The following DBNL variants were observed in gnomAD, a reference collection of about 807,000 sequenced individuals.
DBNL encodes drebrin like.
Under a neutral mutation model 62.2 loss-of-function variants are expected in DBNL, and 35 were observed. The observed-to-expected ratio is 0.56, with a 90% CI of 0.43 to 0.75. The LOEUF (loss-of-function observed/expected upper bound fraction) is 0.75. DBNL is among the 30% of genes least tolerant of loss of function. The pLI is 0.00. For synonymous variants in DBNL, 197 were observed against 218.0 expected (o/e 0.90, Z 0.85); for missense variants, 495 against 578.4 (o/e 0.86, Z 1.48).
At position 44,065,561 on chromosome 7, in the gene DBNL, C is replaced by A; in HGVS notation, c.*4645C>A. ...AGCAGGGACCACAGAGGACTCTGGA[C>A]GGGGACGGCTGCTTCCCAACACTCC... On this transcript the variant is annotated 3_prime_UTR_variant, in exon 13 of 13. Coordinates refer to ENST00000448521, the MANE Select transcript of DBNL (RefSeq NM_001014436.3). 6.2e-7 allele frequency: 1 copy of A among 1,606,166 alleles called. No homozygotes were observed. The highest frequency in any genetic ancestry group is 8.5e-7 in the Non-Finnish European group (1 of 1,174,230).
chr7:44,045,918 T>G (rs1399713019), intron 1 of DBNL, among the ~76,000 whole-genome samples: 1 of 152,256 alleles, frequency 6.6e-6, no homozygotes, highest in Non-Finnish European at 1.5e-5. Flanking sequence ...GGATGGCACT[T>G]ATGCCAAACA....
intron 6 of DBNL, 74 bp downstream of exon 6, chr7:44,057,933 G>A (rs2128793400): frequency 6.3e-7 from 1 of 1,598,664 alleles, no homozygotes. Context: ...CCTCACAAGT[G>A]AGCTCATGCA....
chr7:44,053,957 T>C (rs2096131371), intron 4 of DBNL, among the ~76,000 whole-genome samples: 1 of 151,972 alleles, frequency 6.6e-6, no homozygotes, highest in African/African-American at 2.4e-5. Flanking sequence ...ATTACAGGCG[T>C]GAACCACCAC....
At position 44,059,962 on chromosome 7, in the gene DBNL, C is replaced by A; in HGVS notation, c.1048-86C>A. 7.2e-7 allele frequency: 1 copy of A among 1,386,260 alleles called. No homozygotes were observed. The highest frequency in any genetic ancestry group is 1.0e-6 in the Non-Finnish European group (1 of 998,934). 85.9% of individuals were successfully genotyped at this position (1,386,260 alleles called of 1,614,324 possible). A position where few individuals can be genotyped will look rare whatever the true frequency, so the allele number is the denominator to read the frequency against. ...TAGACTGCTTGCCCTCTGCGTACTC[C>A]CAGCTTGACCTGAGCCATGTGGGGC... On this transcript the variant is annotated intron_variant, in intron 11 of 12. Transcript: ENST00000448521. This position sits in a 1 kb window ranked among gnomAD's most constrained non-coding sequence, Gnocchi z 4.1.
intron 1 of DBNL, among the ~76,000 whole-genome samples, chr7:44,045,243 A>G (rs11763468): frequency 0.15 from 22,085 of 152,192 alleles, 1,739 homozygotes; most frequent in Admixed American, 0.18. Flanking sequence ...GTTTTTTTGC[A>G]AACGCTGTGT....
Position 44,065,061 on chromosome 7 carries a change from A to C in DBNL, c.*4145A>C, listed in dbSNP as rs528430574. 1 of 1,610,158 alleles carries C rather than the reference A, an allele frequency of 6.2e-7. No individual in the cohort carries two copies. Among genetic ancestry groups the C allele is most frequent in the African/African-American group, 1.3e-5 (1 of 74,988 alleles). On this transcript the variant is annotated 3_prime_UTR_variant, in exon 13 of 13. Transcript: ENST00000448521. ...TTCCCTCCCAAGCCAGTGGGCCCCC[A>C]CCCGACTCCCCACTCTGCAGCTTCC...
Position 44,057,830 on chromosome 7 carries a change from G to A in DBNL, c.523G>A (p.Gly175Ser), listed in dbSNP as rs759635060. Reference sequence around the variant, plus strand: ...TGCCGTGTCTGAGATTAAAAGGGTTGGTAAAGACAGCTTCTGGGCCAAAGC... The same window carrying A: ...TGCCGTGTCTGAGATTAAAAGGGTTAGTAAAGACAGCTTCTGGGCCAAAGC... ...TNAVSEIKRV[G>S]KDSFWAKAEK... The change falls in exon 6 of 13, where the codon GGT (glycine) becomes AGT (serine). Residue 175 changes from glycine to serine, a missense_variant. By Grantham distance (56) the Gly-to-Ser change is moderately conservative. Coordinates refer to ENST00000448521, the MANE Select transcript of DBNL (RefSeq NM_001014436.3). 1.2e-6 allele frequency: 2 copies of A among 1,614,186 alleles called. No individual in the cohort carries two copies. Among genetic ancestry groups the A allele is most frequent in the Non-Finnish European group, 1.7e-6 (2 of 1,180,034 alleles).
Position 44,063,830 on chromosome 7 carries a change from A to G in DBNL, c.*2914A>G, listed in dbSNP as rs2096153906. 6.6e-6 allele frequency: 1 copy of G among 152,342 alleles called. No individual in the cohort carries two copies. Among genetic ancestry groups the G allele is most frequent in the Non-Finnish European group, 1.5e-5 (1 of 68,150 alleles). 9.4% of individuals were successfully genotyped at this position (152,342 alleles called of 1,614,324 possible). Reference sequence around the variant, plus strand: ...GTGAAATCCCTCATATTCACCACCAAAAGTGCGTCCCCTTTCCCCAAACCA... The same window carrying G: ...GTGAAATCCCTCATATTCACCACCAGAAGTGCGTCCCCTTTCCCCAAACCA... On this transcript the variant is annotated 3_prime_UTR_variant, in exon 13 of 13. Coordinates refer to ENST00000448521, the MANE Select transcript of DBNL (RefSeq NM_001014436.3).
chr7:44,068,533 T>C lies in DBNL; in HGVS notation c.*7617T>C, dbSNP rs930698654. ...CAAGGTCCAGAGTCTCAACATAATA[T>C]TTAAAATATCCAGGTTATCCAAAAT... is the stretch of plus-strand genomic sequence containing the variant. On this transcript the variant is annotated 3_prime_UTR_variant, in exon 13 of 13. Transcript: ENST00000448521. 1.3e-5 allele frequency: 2 copies of C among 152,226 alleles called. No individual in the cohort carries two copies. Among genetic ancestry groups the C allele is most frequent in the Non-Finnish European group, 2.9e-5 (2 of 68,044 alleles). The allele number at this position is 152,226 out of a possible 1,614,324, so 9.4% of individuals were successfully genotyped here.
At position 44,056,903 on chromosome 7, in the gene DBNL, G is replaced by A. The variant is rs2096137467; in HGVS notation, c.474G>A (p.Val158=). 6.2e-7 allele frequency: 1 copy of A among 1,613,662 alleles called. No individual in the cohort carries two copies. The highest frequency in any genetic ancestry group is 1.1e-5 in the South Asian group (1 of 91,082). ...RFQDVGPQAP[V]GSVYQKTNAV... is the part of the protein sequence containing the mutation. ...AGGACGTGGGACCCCAGGCCCCAGT[G>A]GTGAGTGCTGCTTGCCCATCGCCAG... The change falls in exon 5 of 13, where the codon GTG becomes GTA. Residue 158 remains valine, a splice_region_variant and synonymous_variant. Coordinates refer to ENST00000448521, the MANE Select transcript of DBNL (RefSeq NM_001014436.3).
At chr7:44,044,843 G>T in intron 1 of DBNL, 23 bp downstream of exon 1, 1 of 1,449,784 alleles carries the variant, frequency 6.9e-7, no homozygotes, top group South Asian at 1.4e-5. Context: ...ACGGGCCAGG[G>T]TCGGGCCAGG....
rs368040015 is a variant in DBNL, at chr7:44,065,016, G to A, written c.*4100G>A. 5.6e-6 allele frequency: 9 copies of A among 1,606,472 alleles called. No individual in the cohort carries two copies. The highest frequency in any genetic ancestry group is 4.5e-5 in the East Asian group (2 of 44,826). ...TCAGGCCTGCGTACCGACGCTCCTG[G>A]GGGACACAGGCACGCTGCTTTCCCT... is the stretch of plus-strand genomic sequence containing the variant. On this transcript the variant is annotated 3_prime_UTR_variant, in exon 13 of 13. Transcript: ENST00000448521.
chr7:44,049,723 A>G (rs1278184818), intron 1 of DBNL, among the ~76,000 whole-genome samples: 1 of 152,198 alleles, frequency 6.6e-6, no homozygotes, highest in African/African-American at 2.4e-5. Flanking sequence ...ACCAGGCTTC[A>G]CTGGAGCCAG....
chr7:44,056,986 C>A, intron 5 of DBNL, 83 bp downstream of exon 5: 1 of 1,576,564 alleles, frequency 6.3e-7, no homozygotes, highest in South Asian at 1.1e-5. Flanking sequence ...TCCCAGCACC[C>A]GGGCTGGCTG....
Position 44,065,922 on chromosome 7 carries a change from A to G in DBNL, c.*5006A>G, listed in dbSNP as rs903329423. The stretch of plus-strand genomic sequence containing the variant: ...GGCAACGCTCAGTGGCCTATCAGCC[A>G]TTCTCTGCTCAGACAGAGGCACAAA... On this transcript the variant is annotated 3_prime_UTR_variant, in exon 13 of 13. Coordinates refer to ENST00000448521, the MANE Select transcript of DBNL (RefSeq NM_001014436.3). 11 of 359,004 alleles carry G rather than the reference A, an allele frequency of 3.1e-5. No homozygotes were observed. The highest frequency in any genetic ancestry group is 5.4e-5 in the Non-Finnish European group (10 of 186,182). 22.2% of individuals were successfully genotyped at this position (359,004 alleles called of 1,614,324 possible).
chr7:44,061,950 G>C lies in DBNL; in HGVS notation c.*1034G>C, dbSNP rs2096150033. On this transcript the variant is annotated 3_prime_UTR_variant, in exon 13 of 13. Coordinates refer to ENST00000448521, the MANE Select transcript of DBNL (RefSeq NM_001014436.3). The stretch of plus-strand genomic sequence containing the variant: ...CCTGCGTTCCAGTTCCTCTAGGAGA[G>C]GCCAAGGGCTGCCCTGCTCCCAGCT... 1 of 152,548 alleles carries C rather than the reference G, an allele frequency of 6.6e-6. No homozygotes were observed. The highest frequency in any genetic ancestry group is 1.5e-5 in the Non-Finnish European group (1 of 68,324). 9.4% of individuals were successfully genotyped at this position (152,548 alleles called of 1,614,324 possible).
At chr7:44,050,629 C>T (rs1482069456) in intron 2 of DBNL, 1 of 257,930 alleles carries the variant, frequency 3.9e-6, no homozygotes, top group Non-Finnish European at 7.9e-6. Flanking sequence ...ATATCTTCTT[C>T]TCCCTTTGTC....
chr7:44,060,269 G>C lies in DBNL; in HGVS notation c.1153+116G>C. 2.1e-6 allele frequency: 2 copies of C among 966,614 alleles called. No homozygotes were observed. Among genetic ancestry groups the C allele is most frequent in the Admixed American group, 2.3e-5 (1 of 43,360 alleles). The allele number at this position is 966,614 out of a possible 1,614,324, so 59.9% of individuals were successfully genotyped here. On this transcript the variant is annotated intron_variant, in intron 12 of 12. Transcript: ENST00000448521. The surrounding 1 kb of genome is among the most constrained non-coding windows in gnomAD (Gnocchi z 6.3). ...GGGGTATCAGGAAGAGAAGACAGGA[G>C]GGTGGGCGGTGCGTTTAGGGGTAGA...
chr7:44,065,567 C>T lies in DBNL; in HGVS notation c.*4651C>T, dbSNP rs1321406757. The T allele has an allele frequency of 1.4e-5, 23 of 1,595,400 alleles. No homozygotes were observed. Among genetic ancestry groups the T allele is most frequent in the South Asian group, 9.9e-5 (9 of 90,724 alleles). Reference sequence around the variant, plus strand: ...GACCACAGAGGACTCTGGACGGGGACGGCTGCTTCCCAACACTCCCAGCTT... The same window carrying T: ...GACCACAGAGGACTCTGGACGGGGATGGCTGCTTCCCAACACTCCCAGCTT... On this transcript the variant is annotated 3_prime_UTR_variant, in exon 13 of 13. Transcript: ENST00000448521.
Sources: allele counts gnomAD v4.1 joint callset (sites outside exome capture counted in the v4.1 genomes callset), GRCh38; gene constraint gnomAD v4.1.1; non-coding constraint Gnocchi (gnomAD v3.1); transcripts MANE v1.5; gene names NCBI Gene and HGNC (gene_info 2026-07-23, HGNC 2026-07-21).